The following PTPRM variants were observed in gnomAD, a reference collection of about 807,000 sequenced individuals.
PTPRM encodes the protein receptor-type tyrosine-protein phosphatase mu.
Under a neutral mutation model 186.7 loss-of-function variants are expected in PTPRM, and 47 were observed. The ratio of observed to expected loss-of-function variants is 0.25; its 90% CI spans 0.20 to 0.32. The LOEUF is 0.32. Among genes scored for constraint, PTPRM ranks in the 10% least tolerant of loss-of-function variants. The probability of loss-of-function intolerance (pLI) is 1.00; values close to 1 mark genes in which losing one functional copy is unlikely to be tolerated. For missense variants in PTPRM, 1,494 were observed against 1,865.0 expected (o/e 0.80, Z 3.66); for synonymous variants, 668 against 674.9 (o/e 0.99, Z 0.16).
intron 11 of PTPRM, among the ~76,000 whole-genome samples, chr18:8,095,426 G>T (rs2090968420): frequency 6.6e-6 from 1 of 152,050 alleles, no homozygotes. Context: ...AGTTTGGCCT[G>T]ATCTGAGAAT....
chr18:8,231,638 G>A (rs1018526137), intron 14 of PTPRM, among the ~76,000 whole-genome samples: 5 of 152,122 alleles, frequency 3.3e-5, no homozygotes, highest in Non-Finnish European at 7.3e-5. Context: ...TCAGGAAATA[G>A]TAGAGTATAA....
chr18:7,722,954 T>TG (rs2040476645), intron 1 of PTPRM, among the ~76,000 whole-genome samples: 1 of 152,126 alleles, frequency 6.6e-6, no homozygotes, highest in African/African-American at 2.4e-5. Flanking sequence ...CTGAGCCACT[T>TG]GAAAACCAAA....
intron 1 of PTPRM, among the ~76,000 whole-genome samples, chr18:7,756,969 C>T (rs2041526936): frequency 6.6e-6 from 1 of 152,176 alleles, no homozygotes. Flanking sequence ...ACCTTTGTAG[C>T]CTGATCTTCA....
intron 14 of PTPRM, among the ~76,000 whole-genome samples, chr18:8,242,912 A>C (rs2094444915): frequency 2.0e-5 from 3 of 152,240 alleles, no homozygotes; most frequent in Non-Finnish European, 4.4e-5. Context: ...ATTTACTAGA[A>C]GGAGGTGCGG....
chr18:8,025,514 A>G (rs1438928245), intron 7 of PTPRM, among the ~76,000 whole-genome samples: 2 of 152,242 alleles, frequency 1.3e-5, no homozygotes, highest in African/African-American at 4.8e-5. Flanking sequence ...ACCTTCTGGT[A>G]AAAGGTGAAT....
chr18:8,379,049 G>C (rs940777137), intron 27 of PTPRM, 118 bp from the exon 28 acceptor site: 2 of 756,670 alleles, frequency 2.6e-6, no homozygotes, highest in Non-Finnish European at 4.0e-6. Flanking sequence ...TGGGGAGGGA[G>C]GGGGAAGGGA....
intron 23 of PTPRM, among the ~76,000 whole-genome samples, chr18:8,367,477 A>C (rs1435171151): frequency 6.6e-6 from 1 of 152,192 alleles, no homozygotes; most frequent in Non-Finnish European, 1.5e-5. Flanking sequence ...TTTTCTTTTC[A>C]TTGTTCCCTC....
At chr18:7,613,821 C>T (rs1489713722) in intron 1 of PTPRM, among the ~76,000 whole-genome samples, 2 of 152,176 alleles carry the variant, frequency 1.3e-5, no homozygotes, top group African/African-American at 4.8e-5. Flanking sequence ...TTTGTCCCTT[C>T]CAATTGGTTT....
intron 7 of PTPRM, among the ~76,000 whole-genome samples, chr18:7,972,479 T>TAAAAAAAAAAAAAAAAAGA (rs11445031): frequency 2.3e-5 from 1 of 44,368 alleles, no homozygotes. Flanking sequence ...AAAAAAACAT[T>TAAAAAAAAAAAAAAAAAGA]AAAAAAAAAA....
chr18:7,799,331 G>GC (rs1337800091), intron 2 of PTPRM, among the ~76,000 whole-genome samples: 1 of 152,110 alleles, frequency 6.6e-6, no homozygotes, highest in Non-Finnish European at 1.5e-5. Flanking sequence ...TCTCCCAAGT[G>GC]CCCCCCTTCT....
chr18:8,288,419 C>G (rs1026511561), intron 19 of PTPRM, among the ~76,000 whole-genome samples: 2 of 152,126 alleles, frequency 1.3e-5, no homozygotes, highest in African/African-American at 4.8e-5. Flanking sequence ...TTTTAGGGAA[C>G]AAAAGAAAAG....
chr18:7,907,611 C>A (rs139182169), intron 4 of PTPRM, among the ~76,000 whole-genome samples: 604 of 152,246 alleles, frequency 4.0e-3, no homozygotes, highest in African/African-American at 0.014. Flanking sequence ...TCAGGGTGAG[C>A]GAGCTAGATC....
At chr18:8,380,189 C>A in intron 28 of PTPRM, 107 bp from the exon 29 acceptor site, 7 of 1,199,476 alleles carry the variant, frequency 5.8e-6, no homozygotes, top group Non-Finnish European at 3.5e-6. Context: ...AGCTGTTAAA[C>A]ATGTTCAGTG....
chr18:8,152,712 C>CTTTTTTTTTTTTTTTTTTT (rs35112154), intron 14 of PTPRM, among the ~76,000 whole-genome samples: 1 of 56,928 alleles, frequency 1.8e-5, no homozygotes, highest in Non-Finnish European at 2.9e-5. Context: ...TGCCTCACCT[C>CTTTTTTTTTTTTTTTTTTT]TTTTTTTTTT....
At chr18:7,569,323 C>G (rs1006349772) in intron 1 of PTPRM, among the ~76,000 whole-genome samples, 1 of 152,110 alleles carries the variant, frequency 6.6e-6, no homozygotes, top group African/African-American at 2.4e-5. Context: ...GTTTTGAAAC[C>G]CAAAGCATCA....
At chr18:8,128,605 T>C (rs2092429647) in intron 13 of PTPRM, among the ~76,000 whole-genome samples, 1 of 152,146 alleles carries the variant, frequency 6.6e-6, no homozygotes, top group African/African-American at 2.4e-5. Context: ...CATTTTGCTG[T>C]GGCAGTTTCA....
chr18:8,049,483 G>A (rs2087309139), intron 7 of PTPRM: 1 of 152,162 alleles, frequency 6.6e-6, no homozygotes, highest in Admixed American at 6.5e-5. Context: ...GAGACAAAGA[G>A]TTGATTTATG....
At chr18:8,039,433 T>C (rs2086552033) in intron 7 of PTPRM, among the ~76,000 whole-genome samples, 2 of 152,194 alleles carry the variant, frequency 1.3e-5, no homozygotes, top group Admixed American at 1.3e-4. Flanking sequence ...CAGTTTAGAA[T>C]ACTGTTTGAT....
Position 8,387,945 on chromosome 18 carries a change from G to GA in PTPRM, c.4208+723dup, listed in dbSNP as rs11351770. Among the ~76,000 whole-genome samples, 1,026 of 143,586 alleles carry GA rather than the reference G, an allele frequency of 7.1e-3. 13 individuals are homozygous for GA. Among genetic ancestry groups the GA allele is most frequent in the African/African-American group, 0.025 (964 of 38,456 alleles). The allele number at this position is 143,586 out of a possible 152,430, so 94.2% of individuals were successfully genotyped here. ...GAGAATTATTTGGGGAGCTTTACAT[G>GA]AAAAAAAAAAAAAGCCCACACCTAG... On this transcript the variant is annotated intron_variant, in intron 31 of 32. Transcript: ENST00000580170.
Sources: gnomAD v4.1 joint callset for allele counts (sites outside exome capture counted in the v4.1 genomes callset) on GRCh38, gnomAD v4.1.1 for gene constraint, MANE v1.5 for transcripts, NCBI Gene and HGNC (gene_info 2026-07-23, HGNC 2026-07-21) for gene names.